OAF: variants seen among roughly 807,000 people sequenced by gnomAD.
OAF encodes the protein out at first protein homolog.
In OAF, 13 loss-of-function variants were observed where a neutral mutation model predicts 22.5. The observed-to-expected ratio is 0.58, with a 90% CI of 0.38 to 0.92. The LOEUF is 0.92. Ranked by LOEUF, OAF falls within the 40% of genes least tolerant of loss-of-function variation. The probability of loss-of-function intolerance (pLI) is 0.00; values close to 1 mark genes in which losing one functional copy is unlikely to be tolerated. For missense variants in OAF, 347 were observed against 381.8 expected, an observed-to-expected ratio of 0.91 and a Z score of 0.76; for synonymous variants, 175 against 170.5, an observed-to-expected ratio of 1.03 and a Z score of -0.21.
At chr11:120,220,009 C>G (rs115943292) in intron 1 of OAF, among the ~76,000 whole-genome samples, 2,324 of 152,288 alleles carry the variant, frequency 0.015, 60 homozygotes, top group African/African-American at 0.054. Flanking sequence ...TGCGACAGAC[C>G]CCAGGGTCAC....
intron 1 of OAF, among the ~76,000 whole-genome samples, chr11:120,222,055 T>A (rs904535913): frequency 6.6e-6 from 1 of 152,172 alleles, no homozygotes; most frequent in Non-Finnish European, 1.5e-5. Flanking sequence ...TGGCCTGGGC[T>A]TAGCATCTGA....
chr11:120,216,820 C>T (rs903033931), intron 1 of OAF, among the ~76,000 whole-genome samples: 2 of 152,202 alleles, frequency 1.3e-5, no homozygotes, highest in African/African-American at 4.8e-5. Context: ...AAACTTAGGA[C>T]AGACTCCTGT....
At chr11:120,216,753 G>A (rs1938217643) in intron 1 of OAF, among the ~76,000 whole-genome samples, 1 of 152,202 alleles carries the variant, frequency 6.6e-6, no homozygotes, top group Admixed American at 6.5e-5. Context: ...GAAGCTGGTG[G>A]GGAGAGTGAG....
chr11:120,215,285 C>G (rs970538135), intron 1 of OAF, among the ~76,000 whole-genome samples: 5 of 152,172 alleles, frequency 3.3e-5, no homozygotes, highest in African/African-American at 1.2e-4. Flanking sequence ...ATCCAGGAAG[C>G]GGAGGTTGCA....
Position 120,226,936 on chromosome 11 carries a change from G to A in OAF, c.487G>A (p.Ala163Thr). Residue 163 changes from alanine to threonine, a missense_variant, in exon 3 of 4, where the codon GCC (alanine) becomes ACC (threonine). Ala to Thr is a moderately conservative substitution (Grantham distance 58, BLOSUM62 0). Coordinates refer to ENST00000328965, the MANE Select transcript of OAF (RefSeq NM_178507.4). ...LLSPHLHNVC[A>T]EAVDAIYTRQ... Reference sequence around the variant, plus strand: ...GAGCCCCCATCTCCACAACGTGTGTGCCGAGGCCGTGGATGCCATCTACAC... The same window carrying A: ...GAGCCCCCATCTCCACAACGTGTGTACCGAGGCCGTGGATGCCATCTACAC... The A allele has an allele frequency of 6.2e-7, 1 of 1,611,628 alleles. No individual in the cohort carries two copies. The highest frequency in any genetic ancestry group is 1.7e-5 in the Admixed American group (1 of 59,962).
intron 1 of OAF, among the ~76,000 whole-genome samples, chr11:120,214,559 C>T (rs1043632377): frequency 4.6e-5 from 7 of 152,218 alleles, no homozygotes; most frequent in African/African-American, 1.7e-4. Context: ...AGCAGCCATC[C>T]TTGTCCTGAC....
At chr11:120,221,963 G>C (rs1246179133) in intron 1 of OAF, among the ~76,000 whole-genome samples, 1 of 152,250 alleles carries the variant, frequency 6.6e-6, no homozygotes, top group Non-Finnish European at 1.5e-5. Flanking sequence ...CTAAGCATCT[G>C]CTTTAGGTGT....
intron 1 of OAF, among the ~76,000 whole-genome samples, chr11:120,214,550 G>A (rs1938186585): frequency 6.6e-6 from 1 of 152,178 alleles, no homozygotes; most frequent in Non-Finnish European, 1.5e-5. Context: ...CAGAGCAGGA[G>A]CAGCCATCCT....
At chr11:120,216,001 G>A (rs192832339) in intron 1 of OAF, among the ~76,000 whole-genome samples, 188 of 152,326 alleles carry the variant, frequency 1.2e-3, no homozygotes, top group African/African-American at 3.8e-3. Flanking sequence ...CACAGCTGGA[G>A]CCCTGGAGGG....
intron 1 of OAF, among the ~76,000 whole-genome samples, chr11:120,222,522 C>G (rs1223547478): frequency 6.6e-6 from 1 of 151,482 alleles, no homozygotes; most frequent in East Asian, 1.9e-4. Flanking sequence ...CACCACTGCA[C>G]TCCAGCCTGG....
intron 3 of OAF, 47 bp from the exon 4 acceptor site, chr11:120,228,821 T>TGCCAGACCA: frequency 1.9e-6 from 1 of 520,280 alleles, no homozygotes; most frequent in Non-Finnish European, 3.6e-6. Context: ...GGGAGCTCCT[T>TGCCAGACCA]CCCTCCCTCC....
chr11:120,229,377 A>AT lies in OAF; in HGVS notation c.*235_*236insT. ...GTGCCTTCCTTGCGGGCAGAGAGGG[A>AT]GAGAAGGGCTCCCCAGATCTACACC... On this transcript the variant is annotated 3_prime_UTR_variant, in exon 4 of 4. Transcript: ENST00000328965. The AT allele has an allele frequency of 3.8e-6, 2 of 533,194 alleles. No homozygotes were observed. The highest frequency in any genetic ancestry group is 4.3e-5 in the South Asian group (2 of 46,848). 33.0% of individuals were successfully genotyped at this position (533,194 alleles called of 1,614,324 possible).
chr11:120,211,132 A>C lies in OAF; in HGVS notation c.-148A>C. 1 of 282,006 alleles carries C rather than the reference A, an allele frequency of 3.5e-6. No individual in the cohort carries two copies. The allele number at this position is 282,006 out of a possible 1,614,324, so 17.5% of individuals were successfully genotyped here. A position where few individuals can be genotyped will look rare whatever the true frequency, so the allele number is the denominator to read the frequency against. On this transcript the variant is annotated 5_prime_UTR_variant, in exon 1 of 4. Coordinates refer to ENST00000328965, the MANE Select transcript of OAF (RefSeq NM_178507.4). ...AGCGCTACCCACGTGCGTCCGCGCC[A>C]CCTCGCGGGCGACCCCGCGGCCAAG...
At chr11:120,213,421 G>C (rs1186489651) in intron 1 of OAF, among the ~76,000 whole-genome samples, 12 of 152,110 alleles carry the variant, frequency 7.9e-5, no homozygotes, top group African/African-American at 2.9e-4. Context: ...CTGATTTTCA[G>C]GTTAGCCTCT....
chr11:120,226,225 A>G (rs1437628308), intron 2 of OAF, among the ~76,000 whole-genome samples: 1 of 152,202 alleles, frequency 6.6e-6, no homozygotes, highest in Non-Finnish European at 1.5e-5. Flanking sequence ...GACATTGGAC[A>G]AGTTACCTTC....
chr11:120,212,387 G>T (rs969713661), intron 1 of OAF, among the ~76,000 whole-genome samples: 1 of 151,344 alleles, frequency 6.6e-6, no homozygotes, highest in African/African-American at 2.5e-5. Context: ...GGGGCTGGGG[G>T]ATTATCAGGA....
chr11:120,219,020 T>C lies in OAF; in HGVS notation c.232-6641T>C, dbSNP rs183324506. Among the ~76,000 whole-genome samples, 811 of 144,504 alleles carry C rather than the reference T, an allele frequency of 5.6e-3. 3 individuals carry two copies. Among genetic ancestry groups the C allele is most frequent in the Non-Finnish European group, 9.8e-3 (651 of 66,662 alleles). The allele number at this position is 144,504 out of a possible 152,430, so 94.8% of individuals were successfully genotyped here. A position where few individuals can be genotyped will look rare whatever the true frequency, so the allele number is the denominator to read the frequency against. The stretch of plus-strand genomic sequence containing the variant: ...GTGTGTGTACACACGTTATGAGAAG[T>C]GGCATCGGGAGGAGGCGTGTGAGGA... On this transcript the variant is annotated intron_variant, in intron 1 of 3. Coordinates refer to ENST00000328965, the MANE Select transcript of OAF (RefSeq NM_178507.4).
intron 1 of OAF, among the ~76,000 whole-genome samples, chr11:120,212,926 T>A (rs1231359624): frequency 6.6e-6 from 1 of 151,034 alleles, no homozygotes; most frequent in Non-Finnish European, 1.5e-5. Context: ...ACCTAAACCC[T>A]AGGAGAATTT....
Position 120,229,249 on chromosome 11 carries a change from C to A in OAF, c.*107C>A. ...GGCCTTATTTCCCTCCCTCCCCACT[C>A]CCCTGGCCCTAGAGCCTGGGCCCCT... On this transcript the variant is annotated 3_prime_UTR_variant, in exon 4 of 4. Coordinates refer to ENST00000328965, the MANE Select transcript of OAF (RefSeq NM_178507.4). 4 of 1,029,174 alleles carry A rather than the reference C, an allele frequency of 3.9e-6. No individual in the cohort carries two copies. The highest frequency in any genetic ancestry group is 2.5e-5 in the East Asian group (1 of 39,534). 63.8% of individuals were successfully genotyped at this position (1,029,174 alleles called of 1,614,324 possible).
Sources: gnomAD v4.1 joint callset for allele counts (sites outside exome capture counted in the v4.1 genomes callset) on GRCh38, gnomAD v4.1.1 for gene constraint, MANE v1.5 for transcripts, NCBI Gene and HGNC (gene_info 2026-07-23, HGNC 2026-07-21) for gene names.